The following MYBPHL variants were observed in gnomAD, a reference collection of about 807,000 sequenced individuals.
MYBPHL encodes the protein myosin-binding protein H-like.
A neutral mutation model predicts 39.5 loss-of-function variants in MYBPHL; 32 were observed. The ratio of observed to expected loss-of-function variants is 0.81; its 90% CI spans 0.61 to 1.09. The LOEUF (loss-of-function observed/expected upper bound fraction) is 1.09. MYBPHL is among the 50% of genes least tolerant of loss of function. The probability of loss-of-function intolerance (pLI) is 0.00; values close to 1 mark genes in which losing one functional copy is unlikely to be tolerated. For synonymous variants in MYBPHL, 196 were observed against 183.7 expected, an observed-to-expected ratio of 1.07 and a Z score of -0.54; for missense variants, 456 against 460.2, an observed-to-expected ratio of 0.99 and a Z score of 0.08.
chr1:109,303,341 C>T (rs920072723), intron 1 of MYBPHL, among the ~76,000 whole-genome samples: 3 of 152,188 alleles, frequency 2.0e-5, no homozygotes, highest in African/African-American at 7.2e-5. Context: ...TATACTCTCT[C>T]TCTTGCACTC....
rs923089125 is a variant in MYBPHL, at chr1:109,301,466, C to T, written c.146-3209G>A. On this transcript the variant is annotated intron_variant, in intron 1 of 8. Coordinates refer to ENST00000357155, the MANE Select transcript of MYBPHL (RefSeq NM_001010985.3). ...TTAGAGAAAACTACTTCAGGCCGGG[C>T]GCAGTGGCTCATGCCTGTAATCCCA... Among the ~76,000 whole-genome samples the T allele has an allele frequency of 1.3e-5, 2 of 152,248 alleles. 1 individual carries two copies. The highest frequency in any genetic ancestry group is 4.1e-4 in the South Asian group (2 of 4,824).
chr1:109,302,232 C>T lies in MYBPHL; in HGVS notation c.146-3975G>A, dbSNP rs143894981. ...TGGGTGAAGGGTTACCAAAAGAGGGCGAATGCAGGAGGCTAGCTATGGCTT... is the reference window on the plus strand; with the variant it reads ...TGGGTGAAGGGTTACCAAAAGAGGGTGAATGCAGGAGGCTAGCTATGGCTT... On this transcript the variant is annotated intron_variant, in intron 1 of 8. Transcript: ENST00000357155. Among the ~76,000 whole-genome samples, 118 of 152,000 alleles carry T rather than the reference C, an allele frequency of 7.8e-4. 1 individual carries two copies. Among genetic ancestry groups the T allele is most frequent in the Non-Finnish European group, 1.5e-3 (105 of 67,960 alleles).
At chr1:109,292,627 G>A (rs761167584) in intron 8 of MYBPHL, 39 bp from the exon 9 acceptor site, 4 of 152,246 alleles carry the variant, frequency 2.6e-5, no homozygotes, top group Non-Finnish European at 2.9e-5. Flanking sequence ...ACGAACACAA[G>A]TATCATTAAC....
At chr1:109,296,716 G>A (rs1658078525) in intron 5 of MYBPHL, 67 bp downstream of exon 5, 23 of 1,586,432 alleles carry the variant, frequency 1.4e-5, no homozygotes, top group Non-Finnish European at 1.8e-5. Context: ...TGGAATTAGA[G>A]GCGTGAGCCA....
intron 3 of MYBPHL, 29 bp from the exon 4 acceptor site, chr1:109,297,218 G>T (rs750144282): frequency 1.2e-6 from 2 of 1,614,130 alleles, no homozygotes; most frequent in African/African-American, 1.3e-5. Context: ...GGCAGTGGGC[G>T]TGGAACATCC....
At chr1:109,304,307 CGGAA>C (rs1034351505) in intron 1 of MYBPHL, among the ~76,000 whole-genome samples, 4 of 152,056 alleles carry the variant, frequency 2.6e-5, no homozygotes, top group Admixed American at 1.3e-4. Context: ...AAAGGAAGGA[CGGAA>C]GGAAGGAGGG....
chr1:109,304,083 C>T (rs989120017), intron 1 of MYBPHL, among the ~76,000 whole-genome samples: 1 of 152,208 alleles, frequency 6.6e-6, no homozygotes, highest in African/African-American at 2.4e-5. Flanking sequence ...GTTCTATCCC[C>T]GTCCCTGCAT....
At position 109,296,802 on chromosome 1, in the gene MYBPHL, G is replaced by A. The variant is rs781073021; in HGVS notation, c.711C>T (p.Leu237=). The stretch of plus-strand genomic sequence containing the variant: ...CCTTACCTGCTTTCTGGATGTGGGC[G>A]AGGTCCGTAGTGATGGGGGCTGTTT... ...LSETAPITTD[L]AHIQKAATVY... Residue 237 remains leucine (L), a synonymous_variant, in exon 5 of 9, where the codon CTC becomes CTT. Coordinates refer to ENST00000357155, the MANE Select transcript of MYBPHL (RefSeq NM_001010985.3). 10 of 1,614,118 alleles carry A rather than the reference G, an allele frequency of 6.2e-6. No homozygotes were observed. The highest frequency in any genetic ancestry group is 3.4e-6 in the Non-Finnish European group (4 of 1,180,024).
chr1:109,296,078 AC>A (rs889644351), intron 6 of MYBPHL, among the ~76,000 whole-genome samples, 155 bp downstream of exon 6: 5 of 151,736 alleles, frequency 3.3e-5, no homozygotes, highest in East Asian at 3.9e-4. Flanking sequence ...GACTCCAAGC[AC>A]CCCCCCGACT....
intron 2 of MYBPHL, 68 bp downstream of exon 2, chr1:109,298,101 A>G (rs1658148822): frequency 7.6e-7 from 1 of 1,315,106 alleles, no homozygotes. Context: ...GACTCTTGGT[A>G]TCTGTTTCCA....
Position 109,306,918 on chromosome 1 carries a change from G to C in MYBPHL, c.74C>G (p.Ala25Gly). The change falls in exon 1 of 9, where the codon GCT becomes GGT. Residue 25 changes from alanine (A) to glycine (G), a missense_variant. Physicochemically the swap from Ala to Gly is moderately conservative, Grantham distance 60. Coordinates refer to ENST00000357155, the MANE Select transcript of MYBPHL (RefSeq NM_001010985.3). ...TCCAGGTGAAGCCTGGGGTGGTTCA[G>C]CATCCGCTGGGCTGGCTTCTTTCAC... ...LKVKEASPAD[A>G]EPPQASPGQG... 1 of 1,609,894 alleles carries C rather than the reference G, an allele frequency of 6.2e-7. No homozygotes were observed. Among genetic ancestry groups the C allele is most frequent in the Non-Finnish European group, 8.5e-7 (1 of 1,178,096 alleles).
chr1:109,301,351 G>C (rs1439490455), intron 1 of MYBPHL, among the ~76,000 whole-genome samples: 1 of 152,186 alleles, frequency 6.6e-6, no homozygotes, highest in Non-Finnish European at 1.5e-5. Context: ...ATCTTGAAAA[G>C]TCCTTTGAGG....
intron 1 of MYBPHL, among the ~76,000 whole-genome samples, chr1:109,301,109 C>T (rs529444569): frequency 2.6e-5 from 4 of 152,284 alleles, no homozygotes; most frequent in Admixed American, 2.0e-4. Context: ...ATGTGAACGC[C>T]GGGGCTCATT....
intron 5 of MYBPHL, among the ~76,000 whole-genome samples, 190 bp downstream of exon 5, chr1:109,296,593 C>T (rs929234657): frequency 1.2e-4 from 19 of 152,112 alleles, no homozygotes; most frequent in Non-Finnish European, 2.4e-4. Flanking sequence ...CGTGCACCAC[C>T]ATGCCTGGCT....
intron 1 of MYBPHL, among the ~76,000 whole-genome samples, chr1:109,306,540 T>C (rs1473142273): frequency 1.3e-5 from 2 of 152,164 alleles, no homozygotes; most frequent in East Asian, 3.9e-4. Flanking sequence ...GTCTTCCCAG[T>C]CCCTATGACA....
Position 109,296,370 on chromosome 1 carries a change from G to T in MYBPHL, c.731C>A (p.Ala244Asp), listed in dbSNP as rs768911598. 6.2e-7 allele frequency: 1 copy of T among 1,614,076 alleles called. No homozygotes were observed. Among genetic ancestry groups the T allele is most frequent in the East Asian group, 2.2e-5 (1 of 44,882 alleles). The change falls in exon 6 of 9, where the codon GCT becomes GAT. Residue 244 changes from alanine to aspartate, a missense_variant and splice_region_variant. By Grantham distance (126) the Ala-to-Asp change is moderately radical. Transcript: ENST00000357155. ...TTDLAHIQKA[A>D]TVYKTKGFAQ... ...AAACCCCTTGGTCTTGTAAACAGTA[G>T]CTGAGGGCACCAAGAGGGGCTGGCA...
At chr1:109,297,700 G>C (rs1658133936) in intron 2 of MYBPHL, 83 bp from the exon 3 acceptor site, 6 of 1,274,512 alleles carry the variant, frequency 4.7e-6, no homozygotes, top group Non-Finnish European at 6.5e-6. Flanking sequence ...GTCCACCCCA[G>C]GTCCACAGGG....
rs747708954 is a variant in MYBPHL at position 109,306,842 on chromosome 1, G to T, written c.145+5C>A. On this transcript the variant is annotated splice_donor_5th_base_variant and intron_variant, in intron 1 of 8. Transcript: ENST00000357155. ...TCCCCACCCTCCCCACCTGCCATGG[G>T]TCACCTTCTATAGGGGGCAGGAGCT... The T allele has an allele frequency of 6.4e-7, 1 of 1,557,132 alleles. No homozygotes were observed. Among genetic ancestry groups the T allele is most frequent in the Non-Finnish European group, 8.7e-7 (1 of 1,155,518 alleles).
intron 1 of MYBPHL, among the ~76,000 whole-genome samples, chr1:109,301,131 T>C (rs1327925353): frequency 6.6e-6 from 1 of 152,184 alleles, no homozygotes; most frequent in Non-Finnish European, 1.5e-5. Flanking sequence ...GAGGCATCTC[T>C]TTTCACACAT....
Sources: allele counts gnomAD v4.1 joint callset (sites outside exome capture counted in the v4.1 genomes callset), GRCh38; gene constraint gnomAD v4.1.1; transcripts MANE v1.5; gene names NCBI Gene and HGNC (gene_info 2026-07-23, HGNC 2026-07-21).